Variants in CIMAP1D observed in about 807,000 individuals in gnomAD.
CIMAP1D encodes CIMAP1 family member D, also known as protein CIMAP1D.
chr19:465,830 T>TG, the CIMAP1D span, among the ~76,000 whole-genome samples: 1 of 94,708 alleles, frequency 1.1e-5, no homozygotes, highest in Non-Finnish European at 2.1e-5. Context: ...GGTGGGTGGA[T>TG]GGTGGATGGA....
At chr19:483,250 T>TGC in the CIMAP1D span, among the ~76,000 whole-genome samples, 1 of 75,480 alleles carries the variant, frequency 1.3e-5, no homozygotes. Context: ...CAGGGCCCCA[T>TGC]CCCCCCCCAA....
At chr19:463,926 C>T in the CIMAP1D span, 7 of 1,611,522 alleles carry the variant, frequency 4.3e-6, no homozygotes, top group South Asian at 2.2e-5. Flanking sequence ...TTTCGAGTGG[C>T]GGATGCCCAT....
the CIMAP1D span, chr19:474,890 C>T: frequency 3.0e-6 from 2 of 664,106 alleles, no homozygotes; most frequent in Non-Finnish European, 4.5e-6. Context: ...GCCGCACAGA[C>T]GGCCTCTTGT....
the CIMAP1D span, chr19:490,079 G>A: frequency 7.5e-6 from 3 of 398,292 alleles, no homozygotes; most frequent in Non-Finnish European, 1.3e-5. Flanking sequence ...AACAAGGCCG[G>A]GCGCGTTGGC....
At chr19:473,072 G>C in the CIMAP1D span, among the ~76,000 whole-genome samples, 2 of 131,136 alleles carry the variant, frequency 1.5e-5, no homozygotes, top group Non-Finnish European at 1.6e-5. Context: ...GGTCACAGAT[G>C]GGGAGACTGA....
chr19:474,569 T>C, the CIMAP1D span: 4 of 1,430,746 alleles, frequency 2.8e-6, no homozygotes, highest in Non-Finnish European at 3.7e-6. Flanking sequence ...CCCAGAAGTA[T>C]GGGGAGTGGA....
the CIMAP1D span, among the ~76,000 whole-genome samples, chr19:470,293 G>A: frequency 5.4e-5 from 8 of 148,740 alleles, no homozygotes; most frequent in Admixed American, 2.7e-4. Context: ...TGCAAGCTCC[G>A]CCTCCCGGGT....
chr19:463,975 G>A, the CIMAP1D span: 1 of 1,610,830 alleles, frequency 6.2e-7, no homozygotes, highest in Non-Finnish European at 8.5e-7. Context: ...ACGGTGACCT[G>A]CTCTGGGCAG....
the CIMAP1D span, among the ~76,000 whole-genome samples, chr19:464,737 G>A: frequency 1.3e-3 from 196 of 152,276 alleles, no homozygotes; most frequent in African/African-American, 4.5e-3. Flanking sequence ...CACCAGACTG[G>A]GATCCCATAA....
At chr19:474,292 G>A in the CIMAP1D span, among the ~76,000 whole-genome samples, 1 of 152,148 alleles carries the variant, frequency 6.6e-6, no homozygotes, top group African/African-American at 2.4e-5. Flanking sequence ...TAGGGCGCCC[G>A]TCCCTGAGGG....
chr19:479,411 T>G, the CIMAP1D span, among the ~76,000 whole-genome samples: 1,274 of 33,108 alleles, frequency 0.038, 9 homozygotes, highest in East Asian at 0.056. Flanking sequence ...TTTTTTTTTT[T>G]GGGGGGGGGG....
chr19:479,219 C>T, the CIMAP1D span, among the ~76,000 whole-genome samples: 2 of 152,248 alleles, frequency 1.3e-5, no homozygotes, highest in Admixed American at 6.5e-5. Context: ...ATGTTTCCTA[C>T]GATTAGGCAT....
At chr19:477,519 G>T in the CIMAP1D span, among the ~76,000 whole-genome samples, 1 of 146,228 alleles carries the variant, frequency 6.8e-6, no homozygotes, top group African/African-American at 2.8e-5. Context: ...TGGAGGTGGA[G>T]GTTGCACCAC....
the CIMAP1D span, among the ~76,000 whole-genome samples, chr19:470,802 C>T: frequency 6.6e-6 from 1 of 152,246 alleles, no homozygotes; most frequent in African/African-American, 2.4e-5. Context: ...CCTGCTGGCC[C>T]GTGGTAGCAG....
the CIMAP1D span, among the ~76,000 whole-genome samples, chr19:487,643 C>T: frequency 1.3e-5 from 2 of 152,122 alleles, no homozygotes; most frequent in African/African-American, 4.8e-5. Flanking sequence ...GCGCTCCAGC[C>T]TGGGCCACAG....
At chr19:465,115 A>ATGGG in the CIMAP1D span, among the ~76,000 whole-genome samples, 4 of 121,072 alleles carry the variant, frequency 3.3e-5, no homozygotes, top group African/African-American at 1.3e-4. Flanking sequence ...GGGTGGATGG[A>ATGGG]TGGATGGGTT....
At chr19:464,332 T>C in the CIMAP1D span, 1 of 1,541,190 alleles carries the variant, frequency 6.5e-7, no homozygotes, top group East Asian at 2.5e-5. Flanking sequence ...TTCTCTGGGC[T>C]GTAGGCCCCA....
chr19:478,316 C>G, the CIMAP1D span, among the ~76,000 whole-genome samples: 1 of 152,256 alleles, frequency 6.6e-6, no homozygotes, highest in Non-Finnish European at 1.5e-5. Flanking sequence ...GTCCAGGCCA[C>G]ACCAGACAGC....
the CIMAP1D span, among the ~76,000 whole-genome samples, chr19:490,954 C>A: frequency 2.0e-5 from 3 of 152,190 alleles, no homozygotes; most frequent in Admixed American, 2.0e-4. Context: ...CAAAAGTTAG[C>A]TGGGCGTGGT....
Sources: gnomAD v4.1 joint callset for allele counts (sites outside exome capture counted in the v4.1 genomes callset) on GRCh38, gnomAD v4.1.1 for gene constraint, MANE v1.5 for transcripts, NCBI Gene and HGNC (gene_info 2026-07-23, HGNC 2026-07-21) for gene names.